The following HPGD variants were observed in gnomAD, a reference collection of about 807,000 sequenced individuals.
HPGD encodes the protein 15-hydroxyprostaglandin dehydrogenase [NAD(+)].
Under a neutral mutation model 30.0 loss-of-function variants are expected in HPGD, and 29 were observed. The observed-to-expected ratio is 0.97, with a 90% CI of 0.72 to 1.32. The LOEUF (loss-of-function observed/expected upper bound fraction) is 1.32, where lower values mean the gene tolerates loss of function less well. Among genes scored for constraint, HPGD ranks in the 40% most tolerant of loss-of-function variants. The probability of loss-of-function intolerance (pLI) is 0.00; values close to 1 mark genes in which losing one functional copy is unlikely to be tolerated. For missense variants in HPGD, 340 were observed against 322.1 expected (o/e 1.06, Z -0.43); for synonymous variants, 99 against 112.4 (o/e 0.88, Z 0.75).
rs1451423028 is a variant in HPGD, at chr4:174,492,560, G to C, written c.663-466C>G. Among the ~76,000 whole-genome samples the C allele has an allele frequency of 6.6e-6, 1 of 151,944 alleles. No individual in the cohort carries two copies. The highest frequency in any genetic ancestry group is 2.4e-5 in the African/African-American group (1 of 41,430). On this transcript the variant is annotated intron_variant, in intron 6 of 6. Transcript: ENST00000296522. This position sits in a 1 kb window ranked among gnomAD's most constrained non-coding sequence, Gnocchi z 4.9. ...ACCTTGTATGTATCATTTTATTTAAGTTTTTCAAAGTCCCTAAGTCTGTTG... is the reference window on the plus strand; with the variant it reads ...ACCTTGTATGTATCATTTTATTTAACTTTTTCAAAGTCCCTAAGTCTGTTG...
At chr4:174,522,537 G>A, upstream of HPGD, 1 of 1,005,674 alleles carries the variant, frequency 9.9e-7, no homozygotes, top group Non-Finnish European at 1.4e-6. Context: ...GCGCGCGCGC[G>A]TGCAGCCCGG....
At chr4:174,514,629 C>T (rs1735674575) in intron 3 of HPGD, among the ~76,000 whole-genome samples, 1 of 152,102 alleles carries the variant, frequency 6.6e-6, no homozygotes, top group African/African-American at 2.4e-5. Flanking sequence ...CCACTCTCAC[C>T]ACTCATATTC....
chr4:174,522,354 C>CT lies in HPGD; in HGVS notation c.93+4dup. 6.4e-7 allele frequency: 1 copy of CT among 1,557,488 alleles called. No homozygotes were observed. Among genetic ancestry groups the CT allele is most frequent in the Non-Finnish European group, 8.7e-7 (1 of 1,150,512 alleles). ...GAAATTTCCGCGGCTGGGCGCCGGG[C>CT]TTACCTTGGCGCCCTTAAGCAGCAG... On this transcript the variant is annotated splice_donor_region_variant and intron_variant, in intron 1 of 6. Transcript: ENST00000296522.
chr4:174,516,734 T>C (rs1001985016), intron 3 of HPGD, among the ~76,000 whole-genome samples: 9 of 152,184 alleles, frequency 5.9e-5, no homozygotes, highest in Non-Finnish European at 1.3e-4. Context: ...TAGGGAGCAA[T>C]TTTGTACTCT....
intron 3 of HPGD, among the ~76,000 whole-genome samples, chr4:174,515,273 C>G (rs746407413): frequency 6.6e-6 from 1 of 152,172 alleles, no homozygotes; most frequent in Non-Finnish European, 1.5e-5. Flanking sequence ...CTATACAAGG[C>G]TACAGTAACC....
chr4:174,495,334 A>G (rs192586420), intron 5 of HPGD: 1 of 580,234 alleles, frequency 1.7e-6, no homozygotes, highest in East Asian at 2.9e-5. Flanking sequence ...TTTTTAAATA[A>G]CACATCTGTA....
chr4:174,504,207 T>G (rs993448858), intron 4 of HPGD, among the ~76,000 whole-genome samples: 1 of 152,192 alleles, frequency 6.6e-6, no homozygotes, highest in Non-Finnish European at 1.5e-5. Flanking sequence ...GGTAGTAATT[T>G]TAGCACTTCT....
rs1735673926 is a variant in HPGD at position 174,514,623 on chromosome 4, T to G, written c.324+3348A>C. On this transcript the variant is annotated intron_variant, in intron 3 of 6. Coordinates refer to ENST00000296522, the MANE Select transcript of HPGD (RefSeq NM_000860.6). ...GCTGAAACAAGACAAGGATACCCAC[T>G]CTCACCACTCATATTCAACATAGTA... Among the ~76,000 whole-genome samples, 3 of 152,156 alleles carry G rather than the reference T, an allele frequency of 2.0e-5. No individual in the cohort carries two copies. The South Asian group carries it at 6.2e-4, about 32-fold the overall frequency.
chr4:174,493,146 C>T lies in HPGD; in HGVS notation c.662+5G>A. 1 of 1,572,514 alleles carries T rather than the reference C, an allele frequency of 6.4e-7. No individual in the cohort carries two copies. The highest frequency in any genetic ancestry group is 8.7e-7 in the Non-Finnish European group (1 of 1,147,818). On this transcript the variant is annotated splice_donor_5th_base_variant and intron_variant, in intron 6 of 6. Coordinates refer to ENST00000296522, the MANE Select transcript of HPGD (RefSeq NM_000860.6). Reference sequence around the variant, plus strand: ...TTAAAAGAAAATAGACATAGTTTTACTTACTCCAAAATTCCATAGTATTTA... The same window carrying T: ...TTAAAAGAAAATAGACATAGTTTTATTTACTCCAAAATTCCATAGTATTTA...
intron 2 of HPGD, among the ~76,000 whole-genome samples, chr4:174,519,009 T>A (rs1655141042): frequency 6.6e-6 from 1 of 152,198 alleles, no homozygotes; most frequent in Admixed American, 6.5e-5. Context: ...TAGGTCAGCA[T>A]AAGCTTTATT....
intron 4 of HPGD, among the ~76,000 whole-genome samples, chr4:174,503,482 A>G (rs1357949888): frequency 2.0e-5 from 3 of 152,214 alleles, no homozygotes; most frequent in Non-Finnish European, 2.9e-5. Flanking sequence ...CATAAAGCCA[A>G]TAGTTTACCA....
chr4:174,503,289 G>A (rs2110811410), intron 4 of HPGD, among the ~76,000 whole-genome samples: 1 of 152,216 alleles, frequency 6.6e-6, no homozygotes, highest in Middle Eastern at 3.4e-3. Flanking sequence ...ATGAATCACA[G>A]CATAGGAACA....
intron 4 of HPGD, among the ~76,000 whole-genome samples, chr4:174,506,420 G>A (rs902722440): frequency 6.6e-6 from 1 of 152,104 alleles, no homozygotes; most frequent in Non-Finnish European, 1.5e-5. Flanking sequence ...GATAAATACA[G>A]GTAGATTAAC....
intron 5 of HPGD, chr4:174,493,577 CTT>C (rs925740767): frequency 2.6e-6 from 1 of 381,298 alleles, no homozygotes; most frequent in African/African-American, 2.1e-5. Context: ...GTAAGCTTCT[CTT>C]ATCTACTGAA....
chr4:174,520,783 T>C (rs148387297), intron 2 of HPGD, among the ~76,000 whole-genome samples: 3 of 152,330 alleles, frequency 2.0e-5, no homozygotes, highest in Admixed American at 6.5e-5. Context: ...ATCCAAAATA[T>C]CATGTGCAAT....
chr4:174,519,174 C>T (rs781679144), intron 2 of HPGD, among the ~76,000 whole-genome samples: 15 of 151,628 alleles, frequency 9.9e-5, no homozygotes, highest in Non-Finnish European at 1.6e-4. Context: ...ACTCACTGTA[C>T]GGGAATGGAA....
intron 4 of HPGD, chr4:174,507,316 T>A (rs1421472060): frequency 6.6e-6 from 1 of 152,230 alleles, no homozygotes; most frequent in African/African-American, 2.4e-5. Context: ...TTTAGGGACA[T>A]GATTTTGACT....
chr4:174,499,883 C>T (rs1190081211), intron 4 of HPGD, among the ~76,000 whole-genome samples: 1 of 152,166 alleles, frequency 6.6e-6, no homozygotes, highest in South Asian at 2.1e-4. Context: ...TCTATGAACA[C>T]TCTTTCCCTA....
At position 174,508,554 on chromosome 4, in the gene HPGD, A is replaced by G. The variant is rs3775978; in HGVS notation, c.421+142T>C. 11 of 650,814 alleles carry G rather than the reference A, an allele frequency of 1.7e-5. No individual in the cohort carries two copies. The Admixed American group carries it at 2.2e-4, about 13-fold the overall frequency. The allele number at this position is 650,814 out of a possible 1,614,324, so 40.3% of individuals were successfully genotyped here. On this transcript the variant is annotated intron_variant, in intron 4 of 6. Coordinates refer to ENST00000296522, the MANE Select transcript of HPGD (RefSeq NM_000860.6). ...TTTTTCAAACTTTTGATATTTTGCA[A>G]TAGAAAATTCCATGGAACTATAAAA...
Sources: gnomAD v4.1 joint callset for allele counts (sites outside exome capture counted in the v4.1 genomes callset) on GRCh38, gnomAD v4.1.1 for gene constraint, Gnocchi (gnomAD v3.1) non-coding constraint, MANE v1.5 for transcripts, NCBI Gene and HGNC (gene_info 2026-07-23, HGNC 2026-07-21) for gene names.